Variants in TP53AIP1 observed in about 807,000 individuals in gnomAD.
TP53AIP1 encodes p53-regulated apoptosis-inducing protein 1.
TP53AIP1 carries 14 observed loss-of-function variants against 9.5 expected under a neutral mutation model. The ratio of observed to expected loss-of-function variants is 1.47; its 90% CI spans 0.97 to 2.30. The LOEUF is 2.30. Ranked by LOEUF, TP53AIP1 falls within the 30% of genes most tolerant of loss-of-function variation. The pLI, the probability that TP53AIP1 is intolerant of heterozygous loss-of-function variation, is 0.00. For synonymous variants in TP53AIP1, 73 were observed against 61.2 expected (o/e 1.19, Z -0.90); for missense variants, 153 against 146.7 (o/e 1.04, Z -0.22).
Position 128,937,122 on chromosome 11 carries a change from T to C in TP53AIP1, c.142-473A>G. The stretch of plus-strand genomic sequence containing the variant: ...CGCTGCCTGTGCTGGGATGAATGCA[T>C]GGCCCCTGCATCCTTACCCCCTCCT... On this transcript the variant is annotated intron_variant, in intron 2 of 3. Coordinates refer to ENST00000531399, the MANE Select transcript of TP53AIP1 (RefSeq NM_022112.3). This position sits in a 1 kb window ranked among gnomAD's most constrained non-coding sequence, Gnocchi z 4.8. 9.4e-7 allele frequency: 1 copy of C among 1,063,946 alleles called. No individual in the cohort carries two copies. The highest frequency in any genetic ancestry group is 1.1e-6 in the Non-Finnish European group (1 of 880,048). The allele number at this position is 1,063,946 out of a possible 1,614,324, so 65.9% of individuals were successfully genotyped here.
At chr11:128,936,398 A>C in intron 3 of TP53AIP1, 140 bp downstream of exon 3, 2 of 1,421,514 alleles carry the variant, frequency 1.4e-6, no homozygotes, top group Non-Finnish European at 1.8e-6. Context: ...CCATGATGTC[A>C]TTTTGTCAGA....
chr11:128,934,802 C>A, downstream of TP53AIP1: 1 of 557,328 alleles, frequency 1.8e-6, no homozygotes. Context: ...GAGAGACCCA[C>A]AGGGAAGGGA....
At chr11:128,936,467 C>T (rs1284031797) in intron 3 of TP53AIP1, 71 bp downstream of exon 3, 8 of 1,467,854 alleles carry the variant, frequency 5.5e-6, no homozygotes, top group East Asian at 2.5e-5. Context: ...CTGGATTTAT[C>T]GAGAGGACAT....
downstream of TP53AIP1, chr11:128,935,278 G>A (rs1384582137): frequency 1.4e-6 from 2 of 1,428,684 alleles, no homozygotes; most frequent in Non-Finnish European, 9.1e-7. Flanking sequence ...AACGCTTGGA[G>A]CATACTTTTC....
chr11:128,936,136 G>A, intron 3 of TP53AIP1: 2 of 1,006,212 alleles, frequency 2.0e-6, no homozygotes, highest in Non-Finnish European at 2.4e-6. Context: ...GCTCCTAAGT[G>A]GTAGAGTCAG....
chr11:128,937,834 T>C lies in TP53AIP1; in HGVS notation c.-16A>G. ...AAGATCCCATCCAGGGGAGGCCCTG[T>C]CTGCAGAAAGCAGAGAACTTGGCTT... On this transcript the variant is annotated 5_prime_UTR_variant, in exon 2 of 4. Coordinates refer to ENST00000531399, the MANE Select transcript of TP53AIP1 (RefSeq NM_022112.3). This position sits in a 1 kb window ranked among gnomAD's most constrained non-coding sequence, Gnocchi z 4.8. 2 of 1,594,584 alleles carry C rather than the reference T, an allele frequency of 1.3e-6. No individual in the cohort carries two copies. Among genetic ancestry groups the C allele is most frequent in the South Asian group, 1.1e-5 (1 of 89,452 alleles).
At chr11:128,938,294 C>G (rs886887454) in intron 1 of TP53AIP1, among the ~76,000 whole-genome samples, 6 of 152,196 alleles carry the variant, frequency 3.9e-5, no homozygotes, top group Non-Finnish European at 5.9e-5. Context: ...CATGCCTGAT[C>G]TCTATCTCAG....
intron 3 of TP53AIP1, 81 bp downstream of exon 3, chr11:128,936,457 C>T: frequency 6.9e-7 from 1 of 1,450,552 alleles, no homozygotes; most frequent in Non-Finnish European, 9.0e-7. Flanking sequence ...ATGTCGTTAC[C>T]TGGATTTATC....
rs543934440 is a variant in TP53AIP1 at position 128,942,553 on chromosome 11, G to A, written c.-77+241C>T. On this transcript the variant is annotated intron_variant, in intron 1 of 3. Coordinates refer to ENST00000531399, the MANE Select transcript of TP53AIP1 (RefSeq NM_022112.3). ...CTGCATCGACCAAGTCAGAAATTCT[G>A]CAGTGTGTGTTTTCGTAAGTCCTCC... Among the ~76,000 whole-genome samples the A allele has an allele frequency of 1.9e-3, 283 of 152,322 alleles. 2 individuals carry two copies. Among genetic ancestry groups the A allele is most frequent in the Non-Finnish European group, 1.4e-3 (94 of 68,028 alleles).
downstream of TP53AIP1, chr11:128,934,902 C>T: frequency 1.5e-6 from 1 of 684,600 alleles, no homozygotes; most frequent in Non-Finnish European, 2.7e-6. Flanking sequence ...GACTATGGCT[C>T]AGCTGCAGCC....
chr11:128,935,808 A>G (rs2136016961), intron 3 of TP53AIP1, 96 bp from the exon 4 acceptor site: 3 of 1,381,984 alleles, frequency 2.2e-6, no homozygotes, highest in Non-Finnish European at 2.8e-6. Context: ...AAAAACAACA[A>G]TAATGAATTT....
Position 128,937,303 on chromosome 11 carries a change from C to A in TP53AIP1, c.141+375G>T. 7.3e-7 allele frequency: 1 copy of A among 1,361,532 alleles called. No homozygotes were observed. Among genetic ancestry groups the A allele is most frequent in the Non-Finnish European group, 9.4e-7 (1 of 1,060,772 alleles). 84.3% of individuals were successfully genotyped at this position (1,361,532 alleles called of 1,614,324 possible). A position where few individuals can be genotyped will look rare whatever the true frequency, so the allele number is the denominator to read the frequency against. On this transcript the variant is annotated intron_variant, in intron 2 of 3. Coordinates refer to ENST00000531399, the MANE Select transcript of TP53AIP1 (RefSeq NM_022112.3). This position sits in a 1 kb window ranked among gnomAD's most constrained non-coding sequence, Gnocchi z 4.8. ...GCCCGGAGCCCTGCACCCCAGCCTT[C>A]CCTCCCCATGCGCTCCACATGCGTC...
At position 128,937,642 on chromosome 11, in the gene TP53AIP1, C is replaced by A. The variant is rs1944855709; in HGVS notation, c.141+36G>T. The A allele has an allele frequency of 1.2e-6, 2 of 1,614,138 alleles. No homozygotes were observed. Among genetic ancestry groups the A allele is most frequent in the African/African-American group, 1.3e-5 (1 of 75,048 alleles). On this transcript the variant is annotated intron_variant, in intron 2 of 3. Coordinates refer to ENST00000531399, the MANE Select transcript of TP53AIP1 (RefSeq NM_022112.3). This position sits in a 1 kb window ranked among gnomAD's most constrained non-coding sequence, Gnocchi z 4.8. ...AGAGTCTGCCCGGGGCTGTGGCAGGCAAAAGACCGTCTCGGTTTTCACTGC... is the reference window on the plus strand; with the variant it reads ...AGAGTCTGCCCGGGGCTGTGGCAGGAAAAAGACCGTCTCGGTTTTCACTGC...
chr11:128,939,376 G>A lies in TP53AIP1; in HGVS notation c.-76-1482C>T, dbSNP rs1254339784. Among the ~76,000 whole-genome samples the A allele has an allele frequency of 2.0e-5, 3 of 152,222 alleles. No individual in the cohort carries two copies. Among genetic ancestry groups the A allele is most frequent in the African/African-American group, 7.2e-5 (3 of 41,460 alleles). The stretch of plus-strand genomic sequence containing the variant: ...ACTCCCCGCAGAGGCAGGGGCAGCT[G>A]ACTGCTGTCCCAGATGGACATAGAA... On this transcript the variant is annotated intron_variant, in intron 1 of 3. Coordinates refer to ENST00000531399, the MANE Select transcript of TP53AIP1 (RefSeq NM_022112.3). This position sits in a 1 kb window ranked among gnomAD's most constrained non-coding sequence, Gnocchi z 4.1.
chr11:128,939,991 C>T lies in TP53AIP1; in HGVS notation c.-76-2097G>A, dbSNP rs901838365. ...TCCAGGGAGCCACTCAGAGGGGACA[C>T]TTCCAGCTGCCATGCAAACTCATCA... On this transcript the variant is annotated intron_variant, in intron 1 of 3. Coordinates refer to ENST00000531399, the MANE Select transcript of TP53AIP1 (RefSeq NM_022112.3). The surrounding 1 kb of genome is among the most constrained non-coding windows in gnomAD (Gnocchi z 4.1). Among the ~76,000 whole-genome samples, 4 of 152,176 alleles carry T rather than the reference C, an allele frequency of 2.6e-5. No individual in the cohort carries two copies. The highest frequency in any genetic ancestry group is 6.5e-5 in the Admixed American group (1 of 15,286).
intron 1 of TP53AIP1, among the ~76,000 whole-genome samples, chr11:128,940,958 A>G (rs1944928492): frequency 6.6e-6 from 1 of 152,144 alleles, no homozygotes; most frequent in Non-Finnish European, 1.5e-5. Flanking sequence ...ACCCATCCAG[A>G]GATCCCCCGA....
intron 1 of TP53AIP1, among the ~76,000 whole-genome samples, chr11:128,940,826 C>T (rs1944925991): frequency 6.6e-6 from 1 of 152,352 alleles, no homozygotes; most frequent in Non-Finnish European, 1.5e-5. Flanking sequence ...AGCACTGGCC[C>T]AGTCTCGAGG....
intron 3 of TP53AIP1, 49 bp from the exon 4 acceptor site, chr11:128,935,761 T>C (rs1361903336): frequency 1.3e-6 from 2 of 1,481,514 alleles, no homozygotes; most frequent in Non-Finnish European, 1.8e-6. Context: ...TATGGAGTCC[T>C]TGTTATTTAC....
chr11:128,936,679 C>G (rs1437291299), intron 2 of TP53AIP1, 30 bp from the exon 3 acceptor site: 2 of 1,549,610 alleles, frequency 1.3e-6, no homozygotes, highest in African/African-American at 2.7e-5. Context: ...GACTGTGAGG[C>G]CCTGCAGCGC....
Sources: allele counts gnomAD v4.1 joint callset (sites outside exome capture counted in the v4.1 genomes callset), GRCh38; gene constraint gnomAD v4.1.1; non-coding constraint Gnocchi (gnomAD v3.1); transcripts MANE v1.5; gene names NCBI Gene and HGNC (gene_info 2026-07-23, HGNC 2026-07-21).